TINAG: variants seen among roughly 807,000 people sequenced by gnomAD.
TINAG encodes tubulointerstitial nephritis antigen.
Under a neutral mutation model 72.7 loss-of-function variants are expected in TINAG, and 83 were observed. The observed-to-expected ratio is 1.14, with a 90% CI of 0.96 to 1.37. The LOEUF is 1.37. Among genes scored for constraint, TINAG ranks in the 40% most tolerant of loss-of-function variants. The pLI is 0.00. For missense variants in TINAG, 685 were observed against 576.6 expected (o/e 1.19, Z -1.93); for synonymous variants, 234 against 189.9 (o/e 1.23, Z -1.91).
intron 9 of TINAG, among the ~76,000 whole-genome samples, chr6:54,357,974 G>A (rs577655023): frequency 3.3e-5 from 5 of 151,782 alleles, no homozygotes; most frequent in Middle Eastern, 3.4e-3. Flanking sequence ...CCTTCTCGCC[G>A]ACTCCCACTC....
chr6:54,360,851 T>TTTTTTTTTTTTTTTTTTTTTTTTTTTTG, intron 9 of TINAG, among the ~76,000 whole-genome samples: 1 of 106,128 alleles, frequency 9.4e-6, no homozygotes, highest in African/African-American at 3.8e-5. Flanking sequence ...GTTTTTTTTT[T>TTTTTTTTTTTTTTTTTTTTTTTTTTTTG]TTTTTTTTTT....
Position 54,343,239 on chromosome 6 carries a change from C to T in TINAG, c.638C>T (p.Ala213Val), listed in dbSNP as rs751547181. 5 of 1,569,116 alleles carry T rather than the reference C, an allele frequency of 3.2e-6. No homozygotes were observed. The African/African-American group carries it at 5.4e-5, about 17-fold the overall frequency. Residue 213 changes from alanine (A) to valine (V), a missense_variant, in exon 5 of 11, where the codon GCA (alanine) becomes GTA (valine). Ala to Val is a moderately conservative substitution (Grantham distance 64, BLOSUM62 0). Transcript: ENST00000259782. ...SMNEMTASLP[A>V]TTDLPEFFVA... is the part of the protein sequence containing the mutation. ...CTTCCTCTTTAGGCTTCTTTACCTG[C>T]AACAACTGATCTTCCAGAGTTTTTT...
intron 3 of TINAG, among the ~76,000 whole-genome samples, chr6:54,323,565 C>A (rs1784539314): frequency 6.6e-6 from 1 of 152,200 alleles, no homozygotes; most frequent in Non-Finnish European, 1.5e-5. Flanking sequence ...ATGTAATGTA[C>A]TTCAGTGCTT....
At chr6:54,389,483 T>C (rs1764185455) in intron 10 of TINAG, among the ~76,000 whole-genome samples, 2 of 152,210 alleles carry the variant, frequency 1.3e-5, no homozygotes, top group African/African-American at 4.8e-5. Context: ...GTTCACATAG[T>C]AGACAACTCT....
intron 9 of TINAG, among the ~76,000 whole-genome samples, chr6:54,371,702 C>T (rs1222299084): frequency 6.6e-6 from 1 of 151,880 alleles, no homozygotes; most frequent in East Asian, 1.9e-4. Flanking sequence ...TTTTTATGAT[C>T]TTAGATAATG....
intron 10 of TINAG, among the ~76,000 whole-genome samples, chr6:54,385,873 A>T (rs1281353305): frequency 2.0e-5 from 3 of 148,690 alleles, no homozygotes. Context: ...GAGAAAAAAA[A>T]ACATGATTTT....
chr6:54,310,077 G>A (rs989604841), intron 1 of TINAG, among the ~76,000 whole-genome samples: 1 of 7,322 alleles, frequency 1.4e-4, no homozygotes. Context: ...TTTTTTTTCC[G>A]TGTGTGTGTG....
intron 9 of TINAG, among the ~76,000 whole-genome samples, chr6:54,355,563 C>A (rs1294790667): frequency 6.6e-6 from 1 of 151,806 alleles, no homozygotes; most frequent in Non-Finnish European, 1.5e-5. Context: ...ATTTCAATTA[C>A]AAAATTATCA....
intron 9 of TINAG, among the ~76,000 whole-genome samples, chr6:54,372,082 C>T (rs1311466807): frequency 6.7e-6 from 1 of 148,892 alleles, no homozygotes; most frequent in African/African-American, 2.5e-5. Context: ...ACCTCCGCCT[C>T]CTGGGTTCAA....
intron 6 of TINAG, among the ~76,000 whole-genome samples, chr6:54,348,849 T>C (rs1232582429): frequency 6.6e-6 from 1 of 152,150 alleles, no homozygotes; most frequent in East Asian, 1.9e-4. Flanking sequence ...TCAATGGTTT[T>C]GCTTTTGTCA....
At chr6:54,313,942 A>G (rs1030346657) in intron 1 of TINAG, among the ~76,000 whole-genome samples, 4 of 152,168 alleles carry the variant, frequency 2.6e-5, no homozygotes, top group African/African-American at 9.6e-5. Flanking sequence ...AACTTTTTAT[A>G]TATCCATGAT....
intron 1 of TINAG, 106 bp from the exon 2 acceptor site, chr6:54,320,472 AT>A: frequency 1.1e-6 from 1 of 881,294 alleles, no homozygotes; most frequent in East Asian, 2.5e-5. Flanking sequence ...GGCACCAAAC[AT>A]GTCTGCATAT....
chr6:54,378,506 G>T (rs567639311), intron 9 of TINAG, among the ~76,000 whole-genome samples: 1 of 152,206 alleles, frequency 6.6e-6, no homozygotes, highest in African/African-American at 2.4e-5. Context: ...AATTATTCTT[G>T]TCTTTTGCAT....
At chr6:54,369,851 C>T (rs1225609958) in intron 9 of TINAG, 2 of 152,030 alleles carry the variant, frequency 1.3e-5, no homozygotes, top group Non-Finnish European at 2.9e-5. Flanking sequence ...TAAATTAATA[C>T]TACCCCAAAT....
chr6:54,323,331 A>G (rs1212980647), intron 3 of TINAG, among the ~76,000 whole-genome samples: 1 of 152,214 alleles, frequency 6.6e-6, no homozygotes, highest in Non-Finnish European at 1.5e-5. Flanking sequence ...ACCAGGGCAA[A>G]AAAGGGGGGA....
At chr6:54,359,841 G>T (rs1012158350) in intron 9 of TINAG, among the ~76,000 whole-genome samples, 1 of 151,732 alleles carries the variant, frequency 6.6e-6, no homozygotes, top group African/African-American at 2.4e-5. Context: ...CTACATTCAA[G>T]AAATGAATGC....
intron 1 of TINAG, among the ~76,000 whole-genome samples, chr6:54,313,922 T>C (rs1052236876): frequency 1.6e-4 from 24 of 152,204 alleles, no homozygotes; most frequent in Admixed American, 1.5e-3. Flanking sequence ...GAGTAATCGA[T>C]AGTATTTAAA....
rs572596994 is a variant in TINAG at position 54,334,764 on chromosome 6, G to A, written c.624+7848G>A. ...CTACTAAGTCTACTTACTCCAGTTA[G>A]TAGAATTCCAATATAGCGTTGGCCA... On this transcript the variant is annotated intron_variant, in intron 4 of 10. Transcript: ENST00000259782. 3.5e-4 allele frequency among the ~76,000 whole-genome samples: 54 copies of A among 152,248 alleles called. No individual in the cohort carries two copies. The South Asian group carries it at 0.011, about 31-fold the overall frequency.
chr6:54,327,567 T>C (rs909475722), intron 4 of TINAG, among the ~76,000 whole-genome samples: 1 of 152,016 alleles, frequency 6.6e-6, no homozygotes, highest in Non-Finnish European at 1.5e-5. Flanking sequence ...GTTTTTTTTT[T>C]CATACCCCAG....
Sources: allele counts gnomAD v4.1 joint callset (sites outside exome capture counted in the v4.1 genomes callset), GRCh38; gene constraint gnomAD v4.1.1; transcripts MANE v1.5; gene names NCBI Gene and HGNC (gene_info 2026-07-23, HGNC 2026-07-21).